The following PARD3B variants were observed in gnomAD, a reference collection of about 807,000 sequenced individuals.
PARD3B encodes partitioning defective 3 homolog B.
PARD3B carries 103 observed loss-of-function variants against 130.2 expected under a neutral mutation model. That is an observed-to-expected ratio of 0.79 (90% CI 0.67 to 0.93). The LOEUF (loss-of-function observed/expected upper bound fraction) is 0.93. Ranked by LOEUF, PARD3B falls within the 40% of genes least tolerant of loss-of-function variation. PARD3B has a pLI of 0.00. For missense variants in PARD3B, 1,609 were observed against 1,499.2 expected, an observed-to-expected ratio of 1.07 and a Z score of -1.21; for synonymous variants, 583 against 553.2, an observed-to-expected ratio of 1.05 and a Z score of -0.76.
At chr2:204,643,619 T>A (rs555912310) in intron 1 of PARD3B, among the ~76,000 whole-genome samples, 4 of 152,236 alleles carry the variant, frequency 2.6e-5, no homozygotes, top group Admixed American at 6.5e-5. Context: ...GTGATTTTTT[T>A]AAGCTCATCA....
Position 205,421,327 on chromosome 2 carries a change from C to A in PARD3B, c.2742-19043C>A, listed in dbSNP as rs1337058244. Among the ~76,000 whole-genome samples the A allele has an allele frequency of 6.6e-6, 1 of 152,142 alleles. No individual in the cohort carries two copies. The highest frequency in any genetic ancestry group is 2.4e-5 in the African/African-American group (1 of 41,432). On this transcript the variant is annotated intron_variant, in intron 19 of 22. Transcript: ENST00000406610. The surrounding 1 kb of genome is among the most constrained non-coding windows in gnomAD (Gnocchi z 5.1). ...ACCAGTTTGTGTGGTGCTGTGCCTA[C>A]ACAATGCAGGCACATTGCAATGTCT...
chr2:205,095,831 A>T (rs574868875), intron 4 of PARD3B, among the ~76,000 whole-genome samples: 1 of 152,264 alleles, frequency 6.6e-6, no homozygotes, highest in East Asian at 1.9e-4. Flanking sequence ...TAAAAATTTC[A>T]CTGGTCTTTT....
chr2:205,300,450 C>G lies in PARD3B; in HGVS notation c.2186-80C>G. On this transcript the variant is annotated intron_variant, in intron 16 of 22. Transcript: ENST00000406610. The surrounding 1 kb of genome is among the most constrained non-coding windows in gnomAD (Gnocchi z 4.1). ...ACACCCCTTTTTTGGGATGTCCAGA[C>G]AGAAATATTCTTAGAACAATAGCAT... 1 of 1,342,682 alleles carries G rather than the reference C, an allele frequency of 7.4e-7. No individual in the cohort carries two copies. The highest frequency in any genetic ancestry group is 1.1e-6 in the Non-Finnish European group (1 of 949,496). 83.2% of individuals were successfully genotyped at this position (1,342,682 alleles called of 1,614,324 possible). A position where few individuals can be genotyped will look rare whatever the true frequency, so the allele number is the denominator to read the frequency against.
intron 20 of PARD3B, among the ~76,000 whole-genome samples, chr2:205,464,959 G>A (rs2048571962): frequency 6.6e-6 from 1 of 152,186 alleles, no homozygotes; most frequent in African/African-American, 2.4e-5. Flanking sequence ...TCTGGGTTCA[G>A]CAGTGTGCCT....
intron 20 of PARD3B, chr2:205,482,714 C>T (rs935291014): frequency 6.6e-6 from 1 of 152,126 alleles, no homozygotes; most frequent in Non-Finnish European, 1.5e-5. Context: ...CCACTGGATT[C>T]TTCCCTGGTA....
chr2:205,106,482 TGTGTG>T (rs1703226584), intron 5 of PARD3B, among the ~76,000 whole-genome samples: 1 of 366 alleles, frequency 2.7e-3, no homozygotes, highest in African/African-American at 3.5e-3. Flanking sequence ...AAGAAATGTA[TGTGTG>T]TGTGTGTGTG....
chr2:204,665,334 A>T (rs1251521061), intron 1 of PARD3B, among the ~76,000 whole-genome samples: 1 of 152,198 alleles, frequency 6.6e-6, no homozygotes, highest in African/African-American at 2.4e-5. Context: ...TGTTAAAAGG[A>T]CTAGAAGGGC....
chr2:204,929,605 A>G (rs1687877984), intron 2 of PARD3B, among the ~76,000 whole-genome samples: 1 of 152,046 alleles, frequency 6.6e-6, no homozygotes, highest in South Asian at 2.1e-4. Context: ...AGAAGTTTCA[A>G]TAAATGTAAA....
intron 2 of PARD3B, among the ~76,000 whole-genome samples, chr2:204,763,359 G>T (rs749708401): frequency 3.0e-4 from 45 of 152,176 alleles, no homozygotes; most frequent in Non-Finnish European, 5.9e-4. Flanking sequence ...TTAAAGGTTT[G>T]ACTCTATCTG....
intron 2 of PARD3B, among the ~76,000 whole-genome samples, chr2:204,942,092 T>C (rs1357173565): frequency 6.6e-6 from 1 of 152,186 alleles, no homozygotes; most frequent in African/African-American, 2.4e-5. Flanking sequence ...CTTTGTAAAA[T>C]TGAACTAAGT....
intron 2 of PARD3B, among the ~76,000 whole-genome samples, chr2:204,698,543 G>C (rs914442565): frequency 1.3e-5 from 2 of 151,420 alleles, no homozygotes; most frequent in African/African-American, 4.9e-5. Context: ...CTTGATTGTT[G>C]ATTGGGTTTT....
At chr2:204,876,377 A>T (rs1245407388) in intron 2 of PARD3B, among the ~76,000 whole-genome samples, 1 of 152,216 alleles carries the variant, frequency 6.6e-6, no homozygotes, top group African/African-American at 2.4e-5. Flanking sequence ...ACATTTTTGT[A>T]GAGCAAATCA....
Position 205,473,364 on chromosome 2 carries a change from A to G in PARD3B, c.3045-26532A>G, listed in dbSNP as rs1451859568. 6.6e-6 allele frequency among the ~76,000 whole-genome samples: 1 copy of G among 152,144 alleles called. No individual in the cohort carries two copies. The highest frequency in any genetic ancestry group is 1.9e-4 in the East Asian group (1 of 5,200). On this transcript the variant is annotated intron_variant, in intron 20 of 22. Transcript: ENST00000406610. The surrounding 1 kb of genome is among the most constrained non-coding windows in gnomAD (Gnocchi z 4.9). ...ACTTAAAATTCTATTTATGATTCAG[A>G]CAACCAACAAAGTAATGAGATTCTG...
intron 18 of PARD3B, among the ~76,000 whole-genome samples, chr2:205,330,478 A>C (rs549378926): frequency 6.6e-6 from 1 of 152,348 alleles, no homozygotes; most frequent in East Asian, 1.9e-4. Flanking sequence ...GGGTTAACCC[A>C]GAAGACAGCA....
Position 204,688,632 on chromosome 2 carries a change from C to G in PARD3B, c.222+2350C>G, listed in dbSNP as rs183563645. Among the ~76,000 whole-genome samples the G allele has an allele frequency of 3.8e-4, 57 of 150,950 alleles. No homozygotes were observed. In the East Asian group the frequency reaches 0.011, roughly 29 times the overall value. On this transcript the variant is annotated intron_variant, in intron 2 of 22. Transcript: ENST00000406610. Reference sequence around the variant, plus strand: ...AAGAATTTCTTATTTTTCTGACAACCTTGGTAATCTTAAGATTTCTTTATA... The same window carrying G: ...AAGAATTTCTTATTTTTCTGACAACGTTGGTAATCTTAAGATTTCTTTATA...
chr2:204,899,561 T>C (rs2046783682), intron 2 of PARD3B, among the ~76,000 whole-genome samples: 1 of 152,192 alleles, frequency 6.6e-6, no homozygotes, highest in African/African-American at 2.4e-5. Context: ...TGTTTCTATT[T>C]GTATCTTACT....
intron 19 of PARD3B, among the ~76,000 whole-genome samples, chr2:205,415,559 A>G (rs1264810836): frequency 1.3e-5 from 2 of 152,204 alleles, no homozygotes; most frequent in Non-Finnish European, 2.9e-5. Flanking sequence ...TAATATCATC[A>G]GTGACCAATT....
chr2:204,840,506 G>T (rs772244945), intron 2 of PARD3B, among the ~76,000 whole-genome samples: 5 of 150,248 alleles, frequency 3.3e-5, no homozygotes, highest in African/African-American at 1.0e-4. Context: ...TTTTAAAAAA[G>T]AAGTGAATAA....
At chr2:204,602,697 G>C (rs756637695) in intron 1 of PARD3B, among the ~76,000 whole-genome samples, 2 of 151,932 alleles carry the variant, frequency 1.3e-5, no homozygotes, top group African/African-American at 4.8e-5. Context: ...GTTGATTGTT[G>C]GTGGGGGTGG....
Sources: allele counts gnomAD v4.1 joint callset (sites outside exome capture counted in the v4.1 genomes callset), GRCh38; gene constraint gnomAD v4.1.1; non-coding constraint Gnocchi (gnomAD v3.1); transcripts MANE v1.5; gene names NCBI Gene and HGNC (gene_info 2026-07-23, HGNC 2026-07-21).